Variants in BLM observed in about 807,000 individuals in gnomAD.
BLM encodes BLM RecQ like helicase.
Under a neutral mutation model 135.3 loss-of-function variants are expected in BLM, and 95 were observed. The ratio of observed to expected loss-of-function variants is 0.70; its 90% confidence interval spans 0.59 to 0.83. The LOEUF is 0.83. BLM is among the 40% of genes least tolerant of loss of function. The pLI is 0.00. For missense variants in BLM, 1,518 were observed against 1,663.9 expected (o/e 0.91, Z 1.53); for synonymous variants, 520 against 589.2 (o/e 0.88, Z 1.70).
chr15:90,801,945 A>G (rs1897174659), intron 17 of BLM, among the ~76,000 whole-genome samples: 1 of 151,962 alleles, frequency 6.6e-6, no homozygotes, highest in African/African-American at 2.4e-5. Context: ...AGTGCCAGCT[A>G]CTCCAGAGGC....
intron 1 of BLM, among the ~76,000 whole-genome samples, chr15:90,728,161 T>A (rs1426324837): frequency 6.6e-6 from 1 of 151,948 alleles, no homozygotes; most frequent in African/African-American, 2.4e-5. Context: ...CTCAGCCTCC[T>A]AAGTAGCTGG....
intron 1 of BLM, among the ~76,000 whole-genome samples, chr15:90,739,121 C>T (rs1045420157): frequency 1.1e-4 from 17 of 152,084 alleles, no homozygotes; most frequent in Admixed American, 5.2e-4. Context: ...AGCGGCCAGG[C>T]GCGGTGGCTC....
intron 12 of BLM, among the ~76,000 whole-genome samples, chr15:90,779,139 C>G (rs978450877): frequency 1.3e-5 from 2 of 152,148 alleles, no homozygotes; most frequent in African/African-American, 4.8e-5. Context: ...CCCAACTCAG[C>G]CTCCCAAAGT....
chr15:90,770,183 T>A (rs1896270693), intron 12 of BLM, among the ~76,000 whole-genome samples: 1 of 141,774 alleles, frequency 7.1e-6, no homozygotes, highest in African/African-American at 2.6e-5. Context: ...CCCCCTTTTT[T>A]TTTTTTTTGA....
At chr15:90,743,649 C>T (rs1210760347) in intron 1 of BLM, among the ~76,000 whole-genome samples, 2 of 152,132 alleles carry the variant, frequency 1.3e-5, no homozygotes, top group African/African-American at 4.8e-5. Flanking sequence ...ATGCAATCCT[C>T]CTGCCTCAGC....
chr15:90,793,472 A>G (rs971186057), intron 15 of BLM, among the ~76,000 whole-genome samples: 3 of 152,158 alleles, frequency 2.0e-5, no homozygotes, highest in African/African-American at 7.2e-5. Context: ...TTACTGATGG[A>G]AAGTATGCCA....
intron 1 of BLM, among the ~76,000 whole-genome samples, chr15:90,730,777 C>T (rs896768655): frequency 6.6e-6 from 1 of 152,088 alleles, no homozygotes; most frequent in Non-Finnish European, 1.5e-5. Flanking sequence ...ATGGATTTCA[C>T]TGTGAATGGA....
chr15:90,748,305 T>A (rs1895563627), intron 2 of BLM, among the ~76,000 whole-genome samples: 1 of 151,806 alleles, frequency 6.6e-6, no homozygotes, highest in Non-Finnish European at 1.5e-5. Context: ...ACAGGATTTG[T>A]CCATGTTGGG....
chr15:90,769,516 C>T lies in BLM; in HGVS notation c.2485C>T (p.Leu829Phe), dbSNP rs1408373309. Residue 829 changes from leucine to phenylalanine, a missense_variant, in exon 12 of 22, where the codon CTT becomes TTT. Physicochemically the swap from Leu to Phe is conservative, Grantham distance 22. Transcript: ENST00000355112. ...QKFPSVPVMA[L>F]TATANPRVQK... ...GTTTCCTTCTGTTCCGGTGATGGCTCTTACGGCCACAGCTAATCCCAGGGT... is the reference window on the plus strand; with the variant it reads ...GTTTCCTTCTGTTCCGGTGATGGCTTTTACGGCCACAGCTAATCCCAGGGT... 6.2e-7 allele frequency: 1 copy of T among 1,613,834 alleles called. No individual in the cohort carries two copies. The highest frequency in any genetic ancestry group is 8.5e-7 in the Non-Finnish European group (1 of 1,179,892).
intron 2 of BLM, among the ~76,000 whole-genome samples, chr15:90,748,979 G>A (rs886705488): frequency 1.3e-5 from 2 of 151,496 alleles, no homozygotes; most frequent in African/African-American, 2.4e-5. Context: ...GGCTGGTCTC[G>A]AACTCCTGAC....
chr15:90,759,732 G>A (rs965914031), intron 5 of BLM, among the ~76,000 whole-genome samples: 4 of 151,624 alleles, frequency 2.6e-5, no homozygotes, highest in African/African-American at 7.3e-5. Flanking sequence ...TCAGCCTCCC[G>A]AGTAGCTGGG....
At chr15:90,737,570 G>C (rs1343115224) in intron 1 of BLM, among the ~76,000 whole-genome samples, 2 of 152,176 alleles carry the variant, frequency 1.3e-5, no homozygotes, top group African/African-American at 4.8e-5. Flanking sequence ...TTAAAGGACA[G>C]AGGAACCAAT....
chr15:90,748,496 C>A (rs1895570393), intron 2 of BLM, among the ~76,000 whole-genome samples: 1 of 152,190 alleles, frequency 6.6e-6, no homozygotes, highest in Admixed American at 6.5e-5. Flanking sequence ...CTAAGCTATA[C>A]TCCAGACTCC....
rs573008562 is a variant in BLM, at chr15:90,748,679, C to T, written c.99-688C>T. Among the ~76,000 whole-genome samples the T allele has an allele frequency of 3.3e-5, 5 of 152,180 alleles. No individual in the cohort carries two copies. In the East Asian group the frequency reaches 9.7e-4, roughly 29 times the overall value. On this transcript the variant is annotated intron_variant, in intron 2 of 21. Transcript: ENST00000355112. ...GTCCTGCAGATTTTAACAGAGTTAGCAGTTTTTAACTCTTTTTCCCCTTTA... is the reference window on the plus strand; with the variant it reads ...GTCCTGCAGATTTTAACAGAGTTAGTAGTTTTTAACTCTTTTTCCCCTTTA...
intron 1 of BLM, among the ~76,000 whole-genome samples, chr15:90,740,017 A>C (rs1449476216): frequency 6.6e-6 from 1 of 152,166 alleles, no homozygotes; most frequent in East Asian, 1.9e-4. Flanking sequence ...CCCCCGCCTC[A>C]GCCTTCCAAA....
intron 16 of BLM, 61 bp downstream of exon 16, chr15:90,794,418 G>A: frequency 7.5e-7 from 1 of 1,335,220 alleles, no homozygotes; most frequent in South Asian, 1.5e-5. Context: ...CTTTAAAAAT[G>A]TAGATACAAA....
In BLM at chr15:90,765,431, C is replaced by T. The variant is rs749297090; in HGVS notation, c.2193+17C>T. 1.5e-5 allele frequency: 23 copies of T among 1,525,744 alleles called. No homozygotes were observed. Among genetic ancestry groups the T allele is most frequent in the Non-Finnish European group, 2.0e-5 (22 of 1,101,052 alleles). The allele number at this position is 1,525,744 out of a possible 1,614,324, so 94.5% of individuals were successfully genotyped here. A position where few individuals can be genotyped will look rare whatever the true frequency, so the allele number is the denominator to read the frequency against. ...TCCTTGGATGTAAGTTATAAAAATACTAATAAAAACACGCCTTAGAAACAA... is the reference window on the plus strand; with the variant it reads ...TCCTTGGATGTAAGTTATAAAAATATTAATAAAAACACGCCTTAGAAACAA... On this transcript the variant is annotated intron_variant, in intron 9 of 21. Transcript: ENST00000355112.
At chr15:90,745,127 C>T (rs1345021042) in intron 1 of BLM, among the ~76,000 whole-genome samples, 1 of 152,014 alleles carries the variant, frequency 6.6e-6, no homozygotes, top group Non-Finnish European at 1.5e-5. Context: ...ATAAGGTATG[C>T]CTGGAACATC....
chr15:90,809,255 G>T lies in BLM; in HGVS notation c.3870G>T (p.Ser1290=), dbSNP rs1250145765. The change falls in exon 20 of 22, where the codon TCG becomes TCT. Residue 1290 remains serine, a synonymous_variant. Coordinates refer to ENST00000355112, the MANE Select transcript of BLM (RefSeq NM_000057.4). ...SVLQKYSEWT[S]PAEDSSPGIS... ...TACAGAAATACTCTGAATGGACATC[G>T]CCAGGTTAGTACACAGCCATGTGTG... The T allele has an allele frequency of 6.2e-7, 1 of 1,614,164 alleles. No homozygotes were observed.
Sources: gnomAD v4.1 joint callset for allele counts (sites outside exome capture counted in the v4.1 genomes callset) on GRCh38, gnomAD v4.1.1 for gene constraint, MANE v1.5 for transcripts, NCBI Gene and HGNC (gene_info 2026-07-23, HGNC 2026-07-21) for gene names.